The following TCAIM variants were observed in gnomAD, a reference collection of about 807,000 sequenced individuals.
TCAIM encodes T cell activation inhibitor, mitochondrial, also known as T-cell activation inhibitor, mitochondrial.
TCAIM carries 36 observed loss-of-function variants against 58.6 expected under a neutral mutation model. That is an observed-to-expected ratio of 0.61 (90% CI 0.47 to 0.81). TCAIM has a LOEUF of 0.81. Among genes scored for constraint, TCAIM ranks in the 30% least tolerant of loss-of-function variants. TCAIM has a pLI of 0.00. For synonymous variants in TCAIM, 172 were observed against 193.6 expected (o/e 0.89, Z 0.93); for missense variants, 466 against 579.6 (o/e 0.80, Z 2.01).
chr3:44,381,733 C>G (rs1701658371), intron 5 of TCAIM, among the ~76,000 whole-genome samples: 1 of 152,130 alleles, frequency 6.6e-6, no homozygotes, highest in Non-Finnish European at 1.5e-5. Flanking sequence ...ATAGAAAACT[C>G]TGCAGATTCC....
At chr3:44,404,019 C>T (rs1278693236) in intron 10 of TCAIM, among the ~76,000 whole-genome samples, 1 of 152,184 alleles carries the variant, frequency 6.6e-6, no homozygotes, top group Non-Finnish European at 1.5e-5. Context: ...CTCAGCTCAG[C>T]TCCTGGGACT....
At chr3:44,350,069 T>G (rs983468445) in intron 1 of TCAIM, among the ~76,000 whole-genome samples, 2 of 152,110 alleles carry the variant, frequency 1.3e-5, no homozygotes, top group Non-Finnish European at 2.9e-5. Flanking sequence ...ACAGGCTTTG[T>G]GTGGGCAATA....
In TCAIM at chr3:44,408,267, A is replaced by C. The variant is rs1301892960; in HGVS notation, c.*585A>C. 2 of 152,230 alleles carry C rather than the reference A, an allele frequency of 1.3e-5. No homozygotes were observed. The highest frequency in any genetic ancestry group is 2.9e-5 in the Non-Finnish European group (2 of 68,058). 9.4% of individuals were successfully genotyped at this position (152,230 alleles called of 1,614,324 possible). On this transcript the variant is annotated 3_prime_UTR_variant, in exon 11 of 11. Transcript: ENST00000342649. ...CTGAAATAATGGAACTCATGTCTAC[A>C]ATTCAACATGCATCTGTATAGTTAC...
intron 8 of TCAIM, among the ~76,000 whole-genome samples, chr3:44,397,329 A>C (rs985978650): frequency 6.6e-6 from 1 of 151,934 alleles, no homozygotes; most frequent in Non-Finnish European, 1.5e-5. Flanking sequence ...CCAAGCAACC[A>C]CTGGTCTGCT....
chr3:44,385,838 T>C lies in TCAIM; in HGVS notation c.573-7017T>C, dbSNP rs532604966. On this transcript the variant is annotated intron_variant, in intron 5 of 10. Transcript: ENST00000342649. ...CAAAATTCAGAAACACACGATGGTG[T>C]CTCTTGTACATAAGCACCAAAACTC... Among the ~76,000 whole-genome samples the C allele has an allele frequency of 9.8e-5, 15 of 152,288 alleles. No homozygotes were observed. In the South Asian group the frequency reaches 2.5e-3, roughly 25 times the overall value.
Position 44,407,941 on chromosome 3 carries a change from G to A in TCAIM, c.*259G>A. The A allele has an allele frequency of 3.5e-6, 1 of 283,728 alleles. No homozygotes were observed. The highest frequency in any genetic ancestry group is 6.5e-6 in the Non-Finnish European group (1 of 153,660). 17.6% of individuals were successfully genotyped at this position (283,728 alleles called of 1,614,324 possible). A position where few individuals can be genotyped will look rare whatever the true frequency, so the allele number is the denominator to read the frequency against. On this transcript the variant is annotated 3_prime_UTR_variant, in exon 11 of 11. Transcript: ENST00000342649. ...CACTTGAGCCCAGGAGGCCAAGGTT[G>A]CAGTGGGCCCAGATTGCACCATTGC...
At chr3:44,401,138 TA>T (rs1702015765) in intron 9 of TCAIM, 64 bp from the exon 10 acceptor site, 1 of 1,564,844 alleles carries the variant, frequency 6.4e-7, no homozygotes, top group South Asian at 1.2e-5. Flanking sequence ...ACTAATAAAA[TA>T]TTTTCTCTGG....
rs939859441 is a variant in TCAIM at position 44,357,677 on chromosome 3, T to A, written c.30-64T>A. ...GTACGTTTAGTTTTATTGTCACTTA[T>A]ACATTGAGGATTTGTGTGTGTGTGA... On this transcript the variant is annotated intron_variant, in intron 2 of 10. Transcript: ENST00000342649. The A allele has an allele frequency of 1.9e-6, 3 of 1,592,146 alleles. No individual in the cohort carries two copies. The African/African-American group carries it at 4.1e-5, about 22-fold the overall frequency.
At chr3:44,387,286 C>T (rs1218512403) in intron 5 of TCAIM, among the ~76,000 whole-genome samples, 1 of 152,214 alleles carries the variant, frequency 6.6e-6, no homozygotes, top group East Asian at 1.9e-4. Context: ...TGAAGCTCCT[C>T]TCCGACTTGC....
intron 5 of TCAIM, among the ~76,000 whole-genome samples, chr3:44,375,563 T>A (rs560141441): frequency 6.6e-6 from 1 of 152,196 alleles, no homozygotes; most frequent in African/African-American, 2.4e-5. Context: ...AGGCCCTGCC[T>A]CCAACATTGG....
intron 3 of TCAIM, chr3:44,358,469 T>G: frequency 1.8e-6 from 1 of 546,550 alleles, no homozygotes; most frequent in Non-Finnish European, 3.1e-6. Context: ...GGGAAAAAAA[T>G]ACATCTGTAC....
At chr3:44,360,989 A>G (rs1701286724) in intron 3 of TCAIM, among the ~76,000 whole-genome samples, 1 of 152,256 alleles carries the variant, frequency 6.6e-6, no homozygotes, top group South Asian at 2.1e-4. Context: ...GGCAATAATT[A>G]TCCCACACTT....
intron 8 of TCAIM, among the ~76,000 whole-genome samples, chr3:44,399,130 G>T (rs566734045): frequency 6.6e-6 from 1 of 152,122 alleles, no homozygotes; most frequent in Non-Finnish European, 1.5e-5. Flanking sequence ...ATGAATACAC[G>T]TGTGAAAAAT....
chr3:44,361,921 A>G (rs113023369), intron 4 of TCAIM, among the ~76,000 whole-genome samples: 9 of 152,212 alleles, frequency 5.9e-5, no homozygotes, highest in African/African-American at 2.2e-4. Flanking sequence ...CCAGAGAGAA[A>G]GAATATGAGT....
At position 44,377,021 on chromosome 3, in the gene TCAIM, C is replaced by T. The variant is rs111799679; in HGVS notation, c.572+9313C>T. 7.6e-4 allele frequency among the ~76,000 whole-genome samples: 116 copies of T among 152,186 alleles called. 1 individual carries two copies. In the Middle Eastern group the frequency reaches 0.014, roughly 18 times the overall value. ...AGGAGAATCGCTTGAACCTGGGAGG[C>T]GGAGCTTGCAGTGAGCCGTGATCAT... On this transcript the variant is annotated intron_variant, in intron 5 of 10. Transcript: ENST00000342649.
chr3:44,383,351 A>G (rs1434307030), intron 5 of TCAIM, among the ~76,000 whole-genome samples: 1 of 152,212 alleles, frequency 6.6e-6, no homozygotes, highest in Admixed American at 6.5e-5. Context: ...ATACTCCTAC[A>G]GTGGAATGTT....
rs1371677784 is a variant in TCAIM at position 44,361,353 on chromosome 3, G to GT, written c.166-5dup. 6.3e-7 allele frequency: 1 copy of GT among 1,588,030 alleles called. No individual in the cohort carries two copies. The highest frequency in any genetic ancestry group is 1.4e-5 in the African/African-American group (1 of 73,526). On this transcript the variant is annotated splice_polypyrimidine_tract_variant and intron_variant, in intron 3 of 10. Coordinates refer to ENST00000342649, the MANE Select transcript of TCAIM (RefSeq NM_173826.4). ...TATTTTGTATGTAAATGCCCTTAAT[G>GT]TTTTTTTCCAGGAAATCAATGAAAA...
chr3:44,394,066 T>C (rs532858974), intron 6 of TCAIM, among the ~76,000 whole-genome samples: 3 of 152,340 alleles, frequency 2.0e-5, no homozygotes, highest in African/African-American at 7.2e-5. Flanking sequence ...TTTGTTACTA[T>C]TTGCAATAGC....
chr3:44,359,408 C>T (rs1701259062), intron 3 of TCAIM: 1 of 152,248 alleles, frequency 6.6e-6, no homozygotes, highest in African/African-American at 2.4e-5. Flanking sequence ...TTGACCATGC[C>T]AGATAGTTTA....
Sources: gnomAD v4.1 joint callset for allele counts (sites outside exome capture counted in the v4.1 genomes callset) on GRCh38, gnomAD v4.1.1 for gene constraint, MANE v1.5 for transcripts, NCBI Gene and HGNC (gene_info 2026-07-23, HGNC 2026-07-21) for gene names.